The following BRIP1 variants were observed in gnomAD, a reference collection of about 807,000 sequenced individuals.
BRIP1 encodes the protein Fanconi anemia group J protein.
Under a neutral mutation model 119.7 loss-of-function variants are expected in BRIP1, and 88 were observed. That is an observed-to-expected ratio of 0.74 (90% CI 0.62 to 0.88). The LOEUF is 0.88. Ranked by LOEUF, BRIP1 falls within the 40% of genes least tolerant of loss-of-function variation. BRIP1 has a pLI of 0.00. For missense variants in BRIP1, 1,259 were observed against 1,455.4 expected, an observed-to-expected ratio of 0.87 and a Z score of 2.20; for synonymous variants, 443 against 496.5, an observed-to-expected ratio of 0.89 and a Z score of 1.43.
In BRIP1 at chr17:61,746,587, CA is replaced by C. The variant is rs56807447; in HGVS notation, c.2098-1997del. ...CTAAGTCAAAAATTGTCACAAGAGA[CA>C]AAAAAAAAGGACATTATATAATGAT... On this transcript the variant is annotated intron_variant, in intron 14 of 19. Coordinates refer to ENST00000259008, the MANE Select transcript of BRIP1 (RefSeq NM_032043.3). The surrounding 1 kb of genome is among the most constrained non-coding windows in gnomAD (Gnocchi z 4.9). Among the ~76,000 whole-genome samples, 110,695 of 151,096 alleles carry C rather than the reference CA, an allele frequency of 0.73. 41,018 individuals carry two copies. Among genetic ancestry groups the C allele is most frequent in the Middle Eastern group, 0.81 (238 of 294 alleles).
rs1228784016 is a variant in BRIP1, at chr17:61,778,148, A to G, written c.1936-1586T>C. ...TAAAGAGGAAACTCTGGCACATGCT[A>G]CAACATAGATGATGAACTTTGAAGA... On this transcript the variant is annotated intron_variant, in intron 13 of 19. Coordinates refer to ENST00000259008, the MANE Select transcript of BRIP1 (RefSeq NM_032043.3). This position sits in a 1 kb window ranked among gnomAD's most constrained non-coding sequence, Gnocchi z 4.4. 6.6e-6 allele frequency among the ~76,000 whole-genome samples: 1 copy of G among 152,222 alleles called. No individual in the cohort carries two copies. Among genetic ancestry groups the G allele is most frequent in the Non-Finnish European group, 1.5e-5 (1 of 68,034 alleles).
At position 61,848,369 on chromosome 17, in the gene BRIP1, C is replaced by T. The variant is rs1183338250; in HGVS notation, c.507+760G>A. ...GCCTGTAGGGCTCATGCCACCACAC[C>T]CGGTCTTTTTTTTTACTTTTTTGTG... On this transcript the variant is annotated intron_variant, in intron 5 of 19. Transcript: ENST00000259008. The surrounding 1 kb of genome is among the most constrained non-coding windows in gnomAD (Gnocchi z 4.3). Among the ~76,000 whole-genome samples the T allele has an allele frequency of 8.1e-6, 1 of 124,016 alleles. No individual in the cohort carries two copies. 81.4% of individuals were successfully genotyped at this position (124,016 alleles called of 152,430 possible). A position where few individuals can be genotyped will look rare whatever the true frequency, so the allele number is the denominator to read the frequency against.
In BRIP1 at chr17:61,733,662, T is replaced by G. The variant is rs544305052; in HGVS notation, c.2379+9351A>C. Among the ~76,000 whole-genome samples, 3 of 152,252 alleles carry G rather than the reference T, an allele frequency of 2.0e-5. No individual in the cohort carries two copies. The South Asian group carries it at 6.2e-4, about 32-fold the overall frequency. ...TATATACCCAAATAGTTTGGTACAT[T>G]GAGAGCTAAGATAAGTTTCCTAAAC... On this transcript the variant is annotated intron_variant, in intron 16 of 19. Coordinates refer to ENST00000259008, the MANE Select transcript of BRIP1 (RefSeq NM_032043.3).
At position 61,823,839 on chromosome 17, in the gene BRIP1, T is replaced by A. The variant is rs1603352420; in HGVS notation, c.628-15082A>T. Among the ~76,000 whole-genome samples the A allele has an allele frequency of 6.6e-6, 1 of 151,864 alleles. No individual in the cohort carries two copies. The highest frequency in any genetic ancestry group is 1.9e-4 in the East Asian group (1 of 5,178). On this transcript the variant is annotated intron_variant, in intron 6 of 19. Coordinates refer to ENST00000259008, the MANE Select transcript of BRIP1 (RefSeq NM_032043.3). The surrounding 1 kb of genome is among the most constrained non-coding windows in gnomAD (Gnocchi z 4.8). ...AAAGCAGAGATAAAAATAGAATTTT[T>A]TTTTTTGAGACGGAGTTTCGCAGTT...
At position 61,851,703 on chromosome 17, in the gene BRIP1, C is replaced by T. The variant is rs929172003; in HGVS notation, c.380-2447G>A. Among the ~76,000 whole-genome samples the T allele has an allele frequency of 5.9e-5, 9 of 152,156 alleles. No individual in the cohort carries two copies. The highest frequency in any genetic ancestry group is 2.9e-5 in the Non-Finnish European group (2 of 68,036). ...TATATTTGGTGGATCAAATCTCTCA[C>T]CTTGACCTGCTTCTTCAAAAGCATC... is the stretch of plus-strand genomic sequence containing the variant. On this transcript the variant is annotated intron_variant, in intron 4 of 19. Transcript: ENST00000259008. This position sits in a 1 kb window ranked among gnomAD's most constrained non-coding sequence, Gnocchi z 4.6.
In BRIP1 at chr17:61,740,429, A is replaced by AC. The variant is rs2076971463; in HGVS notation, c.2379+2583dup. Among the ~76,000 whole-genome samples, 1 of 152,308 alleles carries AC rather than the reference A, an allele frequency of 6.6e-6. No individual in the cohort carries two copies. The highest frequency in any genetic ancestry group is 2.1e-4 in the South Asian group (1 of 4,828). Reference sequence around the variant, plus strand: ...GTGATACGAATGCACCTGGCCCAGGACCAGACTTTGAAAATAACTCCTGTT... The same window carrying AC: ...GTGATACGAATGCACCTGGCCCAGGACCCAGACTTTGAAAATAACTCCTGTT... On this transcript the variant is annotated intron_variant, in intron 16 of 19. Transcript: ENST00000259008. This position sits in a 1 kb window ranked among gnomAD's most constrained non-coding sequence, Gnocchi z 5.4.
chr17:61,684,145 G>A lies in BRIP1; in HGVS notation c.2906-5C>T, dbSNP rs2144094505. The A allele has an allele frequency of 1.2e-6, 2 of 1,612,442 alleles. No homozygotes were observed. Among genetic ancestry groups the A allele is most frequent in the Middle Eastern group, 1.7e-4 (1 of 6,056 alleles). ...CTTCCAGGAATACTGGATCATCTAA[G>A]AATACAAGAATTTAAGAGATTTAAC... is the stretch of plus-strand genomic sequence containing the variant. On this transcript the variant is annotated splice_polypyrimidine_tract_variant and splice_region_variant and intron_variant, in intron 19 of 19. Transcript: ENST00000259008. This position sits in a 1 kb window ranked among gnomAD's most constrained non-coding sequence, Gnocchi z 4.5.
chr17:61,760,720 C>T lies in BRIP1; in HGVS notation c.2097+15681G>A, dbSNP rs1340495043. 6.6e-6 allele frequency among the ~76,000 whole-genome samples: 1 copy of T among 151,886 alleles called. No homozygotes were observed. Among genetic ancestry groups the T allele is most frequent in the African/African-American group, 2.4e-5 (1 of 41,400 alleles). On this transcript the variant is annotated intron_variant, in intron 14 of 19. Transcript: ENST00000259008. This position sits in a 1 kb window ranked among gnomAD's most constrained non-coding sequence, Gnocchi z 4.6. ...CCTAGACACATACAACCTACCAAGA[C>T]TGCATCATAAAGAAATAGAAAATTT... is the stretch of plus-strand genomic sequence containing the variant.
intron 16 of BRIP1, among the ~76,000 whole-genome samples, chr17:61,741,272 C>G (rs937549358): frequency 2.6e-5 from 4 of 152,162 alleles, no homozygotes; most frequent in African/African-American, 9.7e-5. Flanking sequence ...TTATTTCCAC[C>G]ACAGCTACAG....
chr17:61,697,003 A>AGG (rs748286552), intron 17 of BRIP1, among the ~76,000 whole-genome samples: 3 of 121,300 alleles, frequency 2.5e-5, no homozygotes, highest in Non-Finnish European at 3.3e-5. Flanking sequence ...AAAAAAAAAA[A>AGG]GGGGGGGGGA....
In BRIP1 at chr17:61,808,483, A is replaced by G. The variant is rs750376292; in HGVS notation, c.902T>C (p.Leu301Ser). 1 of 1,613,548 alleles carries G rather than the reference A, an allele frequency of 6.2e-7. No homozygotes were observed. Among genetic ancestry groups the G allele is most frequent in the Non-Finnish European group, 8.5e-7 (1 of 1,179,518 alleles). Residue 301 changes from leucine (L) to serine (S), a missense_variant, in exon 7 of 20, where the codon TTG becomes TCG. Coordinates refer to ENST00000259008, the MANE Select transcript of BRIP1 (RefSeq NM_032043.3). This position sits in a 1 kb window ranked among gnomAD's most constrained non-coding sequence, Gnocchi z 4.1. The part of the protein sequence containing the change: ...NFNRNEKCME[L>S]LDGKNGKSCY... ...TTTACTCACGTTTTTCCCATCTAGCAATTCCATGCACTTCTCATTTCTGTT... is the reference window on the plus strand; with the variant it reads ...TTTACTCACGTTTTTCCCATCTAGCGATTCCATGCACTTCTCATTTCTGTT...
chr17:61,723,319 AC>A (rs1416247060), intron 16 of BRIP1, among the ~76,000 whole-genome samples: 1 of 152,210 alleles, frequency 6.6e-6, no homozygotes, highest in African/African-American at 2.4e-5. Flanking sequence ...TTTTACTTTT[AC>A]CTGCTCATCC....
rs2077562098 is a variant in BRIP1, at chr17:61,778,110, CA to C, written c.1936-1549del. 6.6e-6 allele frequency among the ~76,000 whole-genome samples: 1 copy of C among 152,106 alleles called. No individual in the cohort carries two copies. Among genetic ancestry groups the C allele is most frequent in the Non-Finnish European group, 1.5e-5 (1 of 68,030 alleles). ...ATCACAGGCATATACACACAAGAAACATTATTCACCTTTAAAGAGGAAACTC... is the reference window on the plus strand; with the variant it reads ...ATCACAGGCATATACACACAAGAAACTTATTCACCTTTAAAGAGGAAACTC... On this transcript the variant is annotated intron_variant, in intron 13 of 19. Transcript: ENST00000259008. This position sits in a 1 kb window ranked among gnomAD's most constrained non-coding sequence, Gnocchi z 4.4.
In BRIP1 at chr17:61,683,439, C is replaced by T. The variant is rs1285317687; in HGVS notation, c.3607G>A (p.Glu1203Lys). ...CCATCAATGTCATCAATTTTACTTT[C>T]TTCAATATGCAGAATTCCATTCAAC... ...TKLNGILHIEESKIDDIDGNV... is the reference protein window; with the variant it reads ...TKLNGILHIEKSKIDDIDGNV... The change falls in exon 20 of 20, where the codon GAA (glutamate) becomes AAA (lysine). Residue 1203 changes from glutamate to lysine, a missense_variant. By Grantham distance (56) the Glu-to-Lys change is moderately conservative (BLOSUM62 1). Around this residue, in one of 3 missense-constraint regions of BRIP1, gnomAD observed 753 missense variants for 891.8 expected, o/e 0.84. Transcript: ENST00000259008. This position sits in a 1 kb window ranked among gnomAD's most constrained non-coding sequence, Gnocchi z 4.7. The T allele has an allele frequency of 7.4e-6, 12 of 1,613,488 alleles. No homozygotes were observed. Among genetic ancestry groups the T allele is most frequent in the Non-Finnish European group, 1.0e-5 (12 of 1,179,796 alleles).
intron 17 of BRIP1, among the ~76,000 whole-genome samples, chr17:61,707,783 A>G (rs1259967997): frequency 4.6e-5 from 7 of 151,834 alleles, no homozygotes; most frequent in Admixed American, 4.6e-4. Context: ...TATAGCCTAT[A>G]GTGCCTACAA....
Position 61,801,337 on chromosome 17 carries a change from A to C in BRIP1, c.1056T>G (p.Tyr352Ter). The C allele has an allele frequency of 1.2e-6, 2 of 1,614,070 alleles. No homozygotes were observed. The highest frequency in any genetic ancestry group is 1.7e-6 in the Non-Finnish European group (2 of 1,179,956). ...SLGKKLKACP[Y>*]YTARELIQDA... The stretch of plus-strand genomic sequence containing the variant: ...CTTGTATTAGTTCTCGGGCTGTGTA[A>C]TATGGACAGGCCTTTAGTTTCTTCC... The change falls in exon 8 of 20, where the codon TAT becomes TAG. Residue 352 changes from tyrosine (Y) to a stop codon, truncating the protein, a stop_gained. Transcript: ENST00000259008. LOFTEE classifies it high-confidence loss of function.
At chr17:61,836,168 G>A (rs906490412) in intron 6 of BRIP1, among the ~76,000 whole-genome samples, 2 of 144,486 alleles carry the variant, frequency 1.4e-5, no homozygotes, top group Non-Finnish European at 3.0e-5. Context: ...CTGGAATGCA[G>A]TGGCATGATC....
At chr17:61,731,100 G>GA (rs971774526) in intron 16 of BRIP1, among the ~76,000 whole-genome samples, 6 of 150,876 alleles carry the variant, frequency 4.0e-5, no homozygotes, top group Admixed American at 3.3e-4. Context: ...AAAAGCTGGG[G>GA]AAAAAAATAC....
chr17:61,855,053 T>C (rs1379661388), intron 4 of BRIP1, among the ~76,000 whole-genome samples: 1 of 152,124 alleles, frequency 6.6e-6, no homozygotes, highest in East Asian at 1.9e-4. Flanking sequence ...ATATAAACTA[T>C]AGAAAATGCA....
Sources: gnomAD v4.1 joint callset for allele counts (sites outside exome capture counted in the v4.1 genomes callset) on GRCh38, gnomAD v4.1.1 for gene constraint, gnomAD v4.1.1 regional missense constraint, Gnocchi (gnomAD v3.1) non-coding constraint, MANE v1.5 for transcripts, NCBI Gene and HGNC (gene_info 2026-07-23, HGNC 2026-07-21) for gene names.